The following TRAF3IP1 variants were observed in gnomAD, a reference collection of about 807,000 sequenced individuals.
The protein encoded by TRAF3IP1 is TRAF3-interacting protein 1.
TRAF3IP1 carries 53 observed loss-of-function variants against 89.9 expected under a neutral mutation model. The ratio of observed to expected loss-of-function variants is 0.59; its 90% CI spans 0.47 to 0.74. The LOEUF is 0.74. Among genes scored for constraint, TRAF3IP1 ranks in the 30% least tolerant of loss-of-function variants. The pLI, the probability that TRAF3IP1 is intolerant of heterozygous loss-of-function variation, is 0.00. For missense variants in TRAF3IP1, 806 were observed against 866.1 expected (o/e 0.93, Z 0.87); for synonymous variants, 311 against 322.1 (o/e 0.97, Z 0.37).
chr2:238,339,481 A>G (rs1175244585), intron 8 of TRAF3IP1, among the ~76,000 whole-genome samples: 1 of 152,180 alleles, frequency 6.6e-6, no homozygotes, highest in Non-Finnish European at 1.5e-5. Flanking sequence ...GCACACTGCA[A>G]TCCTGCACTG....
Position 238,400,091 on chromosome 2 carries a change from T to C in TRAF3IP1, c.*1172T>C, listed in dbSNP as rs1701401691. On this transcript the variant is annotated 3_prime_UTR_variant, in exon 17 of 17. Transcript: ENST00000373327. ...TGAGGATTGCCTGAAAAGGTTTTGT[T>C]TCTTTCTTTTTTTTTTTTTTTTGAG... 6.6e-6 allele frequency: 1 copy of C among 151,530 alleles called. No homozygotes were observed. Among genetic ancestry groups the C allele is most frequent in the East Asian group, 1.9e-4 (1 of 5,184 alleles). The allele number at this position is 151,530 out of a possible 1,614,324, so 9.4% of individuals were successfully genotyped here.
chr2:238,357,590 G>A (rs1303720011), intron 15 of TRAF3IP1, among the ~76,000 whole-genome samples: 1 of 152,226 alleles, frequency 6.6e-6, no homozygotes, highest in East Asian at 1.9e-4. Context: ...TGTTGTCGGC[G>A]GAGGCTTTGC....
chr2:238,333,553 G>C (rs1008628698), intron 6 of TRAF3IP1, among the ~76,000 whole-genome samples: 10 of 152,198 alleles, frequency 6.6e-5, no homozygotes, highest in African/African-American at 2.4e-4. Context: ...GGAATAGGAT[G>C]TGCTGTTTCC....
intron 1 of TRAF3IP1, among the ~76,000 whole-genome samples, chr2:238,324,580 C>T (rs1697718788): frequency 6.6e-6 from 1 of 152,042 alleles, no homozygotes. Flanking sequence ...CTCTGTGGGT[C>T]CTGGACCTTG....
chr2:238,332,884 G>A lies in TRAF3IP1; in HGVS notation c.976G>A (p.Ala326Thr). The A allele has an allele frequency of 6.2e-7, 1 of 1,611,798 alleles. No homozygotes were observed. The highest frequency in any genetic ancestry group is 8.5e-7 in the Non-Finnish European group (1 of 1,178,184). The stretch of plus-strand genomic sequence containing the variant: ...AGATGGAACTTTTAAAGACTCCAAG[G>A]CTGAAACAGAGGTAAACTTTAAAAA... ...LSDGTFKDSK[A>T]ETETEISTRA... is the part of the protein sequence containing the mutation. Residue 326 changes from alanine (A) to threonine (T), a missense_variant, in exon 6 of 17, where the codon GCT (alanine) becomes ACT (threonine). By Grantham distance (58) the Ala-to-Thr change is moderately conservative. Coordinates refer to ENST00000373327, the MANE Select transcript of TRAF3IP1 (RefSeq NM_015650.4).
intron 15 of TRAF3IP1, among the ~76,000 whole-genome samples, chr2:238,391,854 T>C (rs536953332): frequency 6.6e-6 from 1 of 152,334 alleles, no homozygotes; most frequent in South Asian, 2.1e-4. Flanking sequence ...AATTACTTGA[T>C]AGTCATTATG....
At chr2:238,342,581 G>T (rs527704466) in intron 8 of TRAF3IP1, among the ~76,000 whole-genome samples, 8 of 152,210 alleles carry the variant, frequency 5.3e-5, no homozygotes, top group African/African-American at 1.9e-4. Flanking sequence ...ATATGGTAGA[G>T]TATGGAAAAC....
At chr2:238,366,586 T>C (rs910835505) in intron 15 of TRAF3IP1, among the ~76,000 whole-genome samples, 8 of 152,220 alleles carry the variant, frequency 5.3e-5, no homozygotes, top group Admixed American at 3.9e-4. Flanking sequence ...ATATAATCAA[T>C]AAAGATTTTA....
chr2:238,381,962 A>G (rs1700569885), intron 15 of TRAF3IP1, among the ~76,000 whole-genome samples: 1 of 152,136 alleles, frequency 6.6e-6, no homozygotes, highest in Non-Finnish European at 1.5e-5. Context: ...TCAAGGAGGG[A>G]CTGTTACAGA....
chr2:238,348,582 A>G (rs1490778135), intron 10 of TRAF3IP1, among the ~76,000 whole-genome samples, 182 bp from the exon 11 acceptor site: 2 of 152,234 alleles, frequency 1.3e-5, no homozygotes, highest in Non-Finnish European at 2.9e-5. Context: ...CACTGAGTTT[A>G]GATATCAGAC....
intron 15 of TRAF3IP1, among the ~76,000 whole-genome samples, chr2:238,364,123 G>A (rs1404521792): frequency 6.6e-6 from 1 of 151,958 alleles, no homozygotes; most frequent in Non-Finnish European, 1.5e-5. Context: ...CATAAATTGT[G>A]GTGTGCCCTT....
intron 7 of TRAF3IP1, 146 bp from the exon 8 acceptor site, chr2:238,338,216 T>C (rs1698476141): frequency 2.0e-6 from 1 of 512,448 alleles, no homozygotes. Flanking sequence ...AGGGGAATCA[T>C]GTGGAGGCTG....
chr2:238,324,221 C>T (rs1360683229), intron 1 of TRAF3IP1, among the ~76,000 whole-genome samples: 2 of 152,136 alleles, frequency 1.3e-5, no homozygotes, highest in Non-Finnish European at 2.9e-5. Context: ...ACGCCCACCA[C>T]CATGCCTGGC....
chr2:238,354,559 A>G (rs927104062), intron 14 of TRAF3IP1, among the ~76,000 whole-genome samples: 2 of 152,174 alleles, frequency 1.3e-5, no homozygotes, highest in Non-Finnish European at 2.9e-5. Context: ...ATGCTCACAT[A>G]GCAATTTTAG....
intron 15 of TRAF3IP1, among the ~76,000 whole-genome samples, chr2:238,394,644 A>G (rs894330013): frequency 6.6e-5 from 10 of 152,156 alleles, no homozygotes; most frequent in African/African-American, 2.4e-4. Context: ...GTATACTACA[A>G]CCTTGCTGAA....
chr2:238,329,041 A>G lies in TRAF3IP1; in HGVS notation c.614A>G (p.Lys205Arg). ...AAGGACAAGGACAAGGAGAAGGCCAAGGAGAATGGCGGAAACAGACACAGA... is the reference window on the plus strand; with the variant it reads ...AAGGACAAGGACAAGGAGAAGGCCAGGGAGAATGGCGGAAACAGACACAGA... ...REKDKDKEKA[K>R]ENGGNRHREG... The change falls in exon 5 of 17, where the codon AAG (lysine) becomes AGG (arginine). Residue 205 changes from lysine to arginine, a missense_variant. Coordinates refer to ENST00000373327, the MANE Select transcript of TRAF3IP1 (RefSeq NM_015650.4). 1.3e-6 allele frequency: 2 copies of G among 1,551,816 alleles called. No individual in the cohort carries two copies. The highest frequency in any genetic ancestry group is 1.7e-6 in the Non-Finnish European group (2 of 1,147,064).
chr2:238,334,607 T>TTC (rs141491628), intron 7 of TRAF3IP1, among the ~76,000 whole-genome samples: 1 of 152,346 alleles, frequency 6.6e-6, no homozygotes, highest in East Asian at 1.9e-4. Flanking sequence ...CATTGAAGTA[T>TTC]GAAGTTACTT....
intron 9 of TRAF3IP1, 81 bp from the exon 10 acceptor site, chr2:238,347,374 T>C: frequency 1.4e-6 from 2 of 1,478,842 alleles, no homozygotes; most frequent in Non-Finnish European, 1.9e-6. Context: ...CAGTGTGTTT[T>C]TTCTCCAATT....
At position 238,329,248 on chromosome 2, in the gene TRAF3IP1, G is replaced by A; in HGVS notation, c.821G>A (p.Gly274Glu). ...DRDRERDRDK[G>E]KDRDRRRVKN... is the part of the protein sequence containing the mutation. ...GACCGAGAGCGCGACCGGGACAAAG[G>A]GAAGGACAGGGACAGACGGAGAGTG... Residue 274 changes from glycine to glutamate, a missense_variant, in exon 5 of 17, where the codon GGG (glycine) becomes GAG (glutamate). This residue lies in a region of TRAF3IP1 where 732 missense variants were observed against 780.5 expected (regional missense o/e 0.94). Transcript: ENST00000373327. 6.5e-7 allele frequency: 1 copy of A among 1,538,340 alleles called. No homozygotes were observed. Among genetic ancestry groups the A allele is most frequent in the South Asian group, 1.3e-5 (1 of 76,006 alleles).
Sources: allele counts gnomAD v4.1 joint callset (sites outside exome capture counted in the v4.1 genomes callset), GRCh38; gene constraint gnomAD v4.1.1; regional missense constraint gnomAD v4.1.1; transcripts MANE v1.5; gene names NCBI Gene and HGNC (gene_info 2026-07-23, HGNC 2026-07-21).